RBM5: variants seen among roughly 807,000 people sequenced by gnomAD.
RBM5 encodes the protein RNA-binding protein 5.
Under a neutral mutation model 124.6 loss-of-function variants are expected in RBM5, and 15 were observed. The observed-to-expected ratio is 0.12, with a 90% CI of 0.08 to 0.19. The LOEUF is 0.19. RBM5 is among the 10% of genes least tolerant of loss of function. The pLI is 1.00. For missense variants in RBM5, 580 were observed against 1,026.5 expected (o/e 0.57, Z 5.94); for synonymous variants, 337 against 361.2 (o/e 0.93, Z 0.76).
intron 6 of RBM5, 72 bp from the exon 7 acceptor site, chr3:50,103,011 G>T: frequency 8.1e-7 from 1 of 1,237,380 alleles, no homozygotes; most frequent in Non-Finnish European, 1.2e-6. Flanking sequence ...TTTTTCCGAA[G>T]TGTGCTCTGC....
intron 19 of RBM5, 37 bp from the exon 20 acceptor site, chr3:50,114,143 A>G (rs2091197869): frequency 6.2e-7 from 1 of 1,614,156 alleles, no homozygotes; most frequent in African/African-American, 1.3e-5. Flanking sequence ...GAACTTACCT[A>G]AAACTTGAGT....
rs926861043 is a variant in RBM5, at chr3:50,108,256, T to A, written c.1144T>A (p.Tyr382Asn). ...GTATTCACAGGATTATCAGCAGTTT[T>A]ATCAACAACAAGCTGGAGGATTGGA... is the stretch of plus-strand genomic sequence containing the variant. ...AQYSQDYQQF[Y>N]QQQAGGLESD... Residue 382 changes from tyrosine (Y) to asparagine (N), a missense_variant, in exon 14 of 25, where the codon TAT becomes AAT. This residue lies in a region of RBM5 where 104 missense variants were observed against 128.7 expected (regional missense o/e 0.81). Coordinates refer to ENST00000347869, the MANE Select transcript of RBM5 (RefSeq NM_005778.4). The A allele has an allele frequency of 1.2e-6, 2 of 1,613,608 alleles. No homozygotes were observed.
Position 50,118,532 on chromosome 3 carries a change from CTTT to C in RBM5, c.*77_*79del. ...CCGAATTCGCTGTTACCGCCTGTCT[CTTT>C]AAGGGCATGCCTTGTGCTGTTAATA... is the stretch of plus-strand genomic sequence containing the variant. On this transcript the variant is annotated 3_prime_UTR_variant, in exon 25 of 25. Coordinates refer to ENST00000347869, the MANE Select transcript of RBM5 (RefSeq NM_005778.4). The C allele has an allele frequency of 6.5e-7, 1 of 1,540,000 alleles. No individual in the cohort carries two copies. The highest frequency in any genetic ancestry group is 1.4e-5 in the African/African-American group (1 of 73,468).
chr3:50,116,988 T>C, intron 22 of RBM5, 86 bp from the exon 23 acceptor site: 1 of 1,231,070 alleles, frequency 8.1e-7, no homozygotes, highest in Non-Finnish European at 1.2e-6. Context: ...TAAAAATACT[T>C]GAGGGGATAG....
At chr3:50,092,000 A>C (rs766680006) in intron 2 of RBM5, 43 bp from the exon 3 acceptor site, 37 of 1,596,972 alleles carry the variant, frequency 2.3e-5, no homozygotes, top group Non-Finnish European at 3.2e-5. Context: ...TTAAAGGTAC[A>C]AAATGTGACT....
chr3:50,116,768 G>A (rs962368021), intron 22 of RBM5: 10 of 371,214 alleles, frequency 2.7e-5, no homozygotes, highest in Admixed American at 1.2e-4. Context: ...CTTCCTCTTC[G>A]CAAGCTGTAC....
rs765707035 is a variant in RBM5 at position 50,091,983 on chromosome 3, A to G, written c.18-60A>G. Reference sequence around the variant, plus strand: ...CTGTGGGCCGTGTGTATTTTTAACTATGTCTTTTAAAGGTACAAAATGTGA... The same window carrying G: ...CTGTGGGCCGTGTGTATTTTTAACTGTGTCTTTTAAAGGTACAAAATGTGA... On this transcript the variant is annotated intron_variant, in intron 2 of 24. Coordinates refer to ENST00000347869, the MANE Select transcript of RBM5 (RefSeq NM_005778.4). 8 of 1,543,208 alleles carry G rather than the reference A, an allele frequency of 5.2e-6. No individual in the cohort carries two copies. The East Asian group carries it at 6.7e-5, about 13-fold the overall frequency.
Position 50,107,471 on chromosome 3 carries a change from T to C in RBM5, c.954-11T>C, listed in dbSNP as rs761779559. 3.8e-6 allele frequency: 6 copies of C among 1,567,496 alleles called. No individual in the cohort carries two copies. The highest frequency in any genetic ancestry group is 4.5e-5 in the East Asian group (2 of 44,590). ...TGATAGAATCACATGATTGGATCTTTGTGGTTTCAGAGACTTGGTCCTCTC... is the reference window on the plus strand; with the variant it reads ...TGATAGAATCACATGATTGGATCTTCGTGGTTTCAGAGACTTGGTCCTCTC... On this transcript the variant is annotated splice_polypyrimidine_tract_variant and intron_variant, in intron 11 of 24. Coordinates refer to ENST00000347869, the MANE Select transcript of RBM5 (RefSeq NM_005778.4).
rs541667872 is a variant in RBM5, at chr3:50,098,098, A to T, written c.340-1884A>T. ...GGCAACAGAGTGAGACTCCATCTCA[A>T]AAAAATTTAAAAAAAAGTTTATCAT... On this transcript the variant is annotated intron_variant, in intron 4 of 24. Transcript: ENST00000347869. Among the ~76,000 whole-genome samples, 14 of 152,300 alleles carry T rather than the reference A, an allele frequency of 9.2e-5. No individual in the cohort carries two copies. The East Asian group carries it at 2.3e-3, about 25-fold the overall frequency.
chr3:50,100,646 A>G lies in RBM5; in HGVS notation c.483+41A>G, dbSNP rs367545448. The G allele has an allele frequency of 4.0e-6, 6 of 1,489,712 alleles. No individual in the cohort carries two copies. Among genetic ancestry groups the G allele is most frequent in the South Asian group, 2.3e-5 (2 of 87,148 alleles). 92.3% of individuals were successfully genotyped at this position (1,489,712 alleles called of 1,614,324 possible). ...AAGTCTAGATATTCATGAAAATGGAACAAGTCTGTACAATTTTAAAAAAAG... is the reference window on the plus strand; with the variant it reads ...AAGTCTAGATATTCATGAAAATGGAGCAAGTCTGTACAATTTTAAAAAAAG... On this transcript the variant is annotated intron_variant, in intron 6 of 24. Coordinates refer to ENST00000347869, the MANE Select transcript of RBM5 (RefSeq NM_005778.4). This position sits in a 1 kb window ranked among gnomAD's most constrained non-coding sequence, Gnocchi z 5.1.
chr3:50,092,577 A>AT (rs1483604840), intron 3 of RBM5, among the ~76,000 whole-genome samples: 1 of 151,562 alleles, frequency 6.6e-6, no homozygotes, highest in Admixed American at 6.6e-5. Context: ...AAAAAAAAAA[A>AT]GAAAAGAAAT....
chr3:50,106,007 C>G (rs895084357), intron 10 of RBM5, among the ~76,000 whole-genome samples: 2 of 149,724 alleles, frequency 1.3e-5, no homozygotes, highest in African/African-American at 4.9e-5. Context: ...GGCTGGAGTG[C>G]GGTGGCACCA....
intron 4 of RBM5, 151 bp downstream of exon 4, chr3:50,094,026 A>AT (rs370886724): frequency 8.6e-5 from 57 of 664,154 alleles, no homozygotes; most frequent in Non-Finnish European, 1.1e-4. Flanking sequence ...CTGTTTTGAT[A>AT]TTTTTTTTTA....
chr3:50,090,414 T>G lies in RBM5; in HGVS notation c.-21T>G. The G allele has an allele frequency of 6.2e-7, 1 of 1,613,916 alleles. No individual in the cohort carries two copies. Among genetic ancestry groups the G allele is most frequent in the Non-Finnish European group, 8.5e-7 (1 of 1,179,880 alleles). ...AAAATTTGAACCTTTTGGAGCTGTG[T>G]GCTAAATCTTCAGTGGGACAATGGG... On this transcript the variant is annotated 5_prime_UTR_variant, in exon 2 of 25. Coordinates refer to ENST00000347869, the MANE Select transcript of RBM5 (RefSeq NM_005778.4).
chr3:50,115,321 T>C (rs1274253578), intron 20 of RBM5, 107 bp from the exon 21 acceptor site: 1 of 1,290,434 alleles, frequency 7.7e-7, no homozygotes, highest in Non-Finnish European at 1.1e-6. Flanking sequence ...CATGCAGTAA[T>C]GGGGATTTGT....
At chr3:50,116,941 T>C in intron 22 of RBM5, 133 bp from the exon 23 acceptor site, 1 of 740,810 alleles carries the variant, frequency 1.3e-6, no homozygotes, top group Non-Finnish European at 2.2e-6. Context: ...GGGAATTTGG[T>C]ATTTCAGAGC....
intron 3 of RBM5, among the ~76,000 whole-genome samples, chr3:50,093,482 A>G (rs887001921): frequency 2.1e-4 from 31 of 146,992 alleles, no homozygotes; most frequent in Non-Finnish European, 3.6e-4. Context: ...GGGTGTGCCT[A>G]TAATCCCAGC....
Position 50,105,615 on chromosome 3 carries a change from A to T in RBM5, c.761A>T (p.Tyr254Phe). ...VDSIMTALSP[Y>F]ASLAVNNIRL... ...TCCATCATGACAGCACTGTCTCCTT[A>T]CGCGTCTTTAGCTGTCAATAACATC... is the stretch of plus-strand genomic sequence containing the variant. The change falls in exon 10 of 25, where the codon TAC (tyrosine) becomes TTC (phenylalanine). Residue 254 changes from tyrosine (Y) to phenylalanine (F), a missense_variant. Around this residue, in one of 6 missense-constraint regions of RBM5, gnomAD observed 101 missense variants for 223.2 expected, o/e 0.45. Coordinates refer to ENST00000347869, the MANE Select transcript of RBM5 (RefSeq NM_005778.4). The T allele has an allele frequency of 6.2e-7, 1 of 1,614,174 alleles. No homozygotes were observed. Among genetic ancestry groups the T allele is most frequent in the Non-Finnish European group, 8.5e-7 (1 of 1,180,018 alleles).
intron 2 of RBM5, among the ~76,000 whole-genome samples, chr3:50,091,564 C>A (rs2090702810): frequency 6.6e-6 from 1 of 152,124 alleles, no homozygotes. Flanking sequence ...AAAAAAAAGA[C>A]TAACTTAGTT....
Sources: allele counts gnomAD v4.1 joint callset (sites outside exome capture counted in the v4.1 genomes callset), GRCh38; gene constraint gnomAD v4.1.1; regional missense constraint gnomAD v4.1.1; non-coding constraint Gnocchi (gnomAD v3.1); transcripts MANE v1.5; gene names NCBI Gene and HGNC (gene_info 2026-07-23, HGNC 2026-07-21).